The following EGFR variants were observed in gnomAD, a reference collection of about 807,000 sequenced individuals.
EGFR encodes avian erythroblastic leukemia viral (v-erb-b) oncogene homolog.
EGFR carries 58 observed loss-of-function variants against 143.0 expected under a neutral mutation model. The observed-to-expected ratio is 0.41, with a 90% CI of 0.33 to 0.50. The LOEUF (loss-of-function observed/expected upper bound fraction) is 0.50. EGFR is among the 20% of genes least tolerant of loss of function. The pLI, the probability that EGFR is intolerant of heterozygous loss-of-function variation, is 0.39. For missense variants in EGFR, 1,307 were observed against 1,579.0 expected (o/e 0.83, Z 2.92); for synonymous variants, 613 against 594.4 (o/e 1.03, Z -0.45).
In EGFR at chr7:55,201,627, A is replaced by G. The variant is rs1304710369; in HGVS notation, c.3115-108A>G. On this transcript the variant is annotated intron_variant, in intron 25 of 27. Coordinates refer to ENST00000275493, the MANE Select transcript of EGFR (RefSeq NM_005228.5). ...AAAACTAACGATTAAGACAAAAATT[A>G]AACACCTTCACAATATACCCTCCAT... The G allele has an allele frequency of 1.7e-5, 24 of 1,412,354 alleles. No homozygotes were observed. In the African/African-American group the frequency reaches 3.0e-4, roughly 17 times the overall value. 87.5% of individuals were successfully genotyped at this position (1,412,354 alleles called of 1,614,324 possible). A position where few individuals can be genotyped will look rare whatever the true frequency, so the allele number is the denominator to read the frequency against.
chr7:55,102,547 C>A (rs977474867), intron 1 of EGFR, among the ~76,000 whole-genome samples: 1 of 152,220 alleles, frequency 6.6e-6, no homozygotes, highest in East Asian at 1.9e-4. Flanking sequence ...TGGCCCAGCT[C>A]GTCAAAAGAA....
intron 1 of EGFR, among the ~76,000 whole-genome samples, chr7:55,058,351 G>C (rs1177153864): frequency 6.6e-6 from 1 of 151,862 alleles, no homozygotes; most frequent in Non-Finnish European, 1.5e-5. Context: ...CAGAGATGAA[G>C]CCACTGCACT....
At chr7:55,077,047 G>T (rs564109165) in intron 1 of EGFR, among the ~76,000 whole-genome samples, 4 of 152,140 alleles carry the variant, frequency 2.6e-5, no homozygotes, top group African/African-American at 9.6e-5. Flanking sequence ...ATCCCAATAT[G>T]TGAGTACAAC....
chr7:55,172,721 A>G lies in EGFR; in HGVS notation c.1920-262A>G, dbSNP rs1584221398. ...ATCAACAAATTGAAAAATACTCATT[A>G]TATGGAGAGGTCCAGATAAAGCCTC... is the stretch of plus-strand genomic sequence containing the variant. On this transcript the variant is annotated intron_variant, in intron 16 of 27. Coordinates refer to ENST00000275493, the MANE Select transcript of EGFR (RefSeq NM_005228.5). 45 of 785,386 alleles carry G rather than the reference A, an allele frequency of 5.7e-5. No homozygotes were observed. In the East Asian group the frequency reaches 1.2e-3, roughly 21 times the overall value. The allele number at this position is 785,386 out of a possible 1,614,324, so 48.7% of individuals were successfully genotyped here.
At chr7:55,186,117 T>G (rs1049755891) in intron 20 of EGFR, among the ~76,000 whole-genome samples, 2 of 152,204 alleles carry the variant, frequency 1.3e-5, no homozygotes, top group Non-Finnish European at 2.9e-5. Context: ...TATTCCTAGG[T>G]GCCAGGTCAC....
intron 1 of EGFR, among the ~76,000 whole-genome samples, chr7:55,111,363 C>T (rs1562723263): frequency 7.0e-6 from 1 of 143,236 alleles, no homozygotes; most frequent in East Asian, 1.9e-4. Context: ...GCTTGCTAGA[C>T]GTTTTGTTTT....
At chr7:55,036,271 T>TGTGTGG (rs1414370413) in intron 1 of EGFR, among the ~76,000 whole-genome samples, 2 of 22,400 alleles carry the variant, frequency 8.9e-5, no homozygotes, top group Non-Finnish European at 1.7e-4. Flanking sequence ...TGTGTGTGTG[T>TGTGTGG]GGGGGGGGGG....
At chr7:55,194,551 C>G (rs1787539691) in intron 22 of EGFR, among the ~76,000 whole-genome samples, 1 of 152,170 alleles carries the variant, frequency 6.6e-6, no homozygotes, top group African/African-American at 2.4e-5. Context: ...TTTGGTCCTC[C>G]AGGTATGTTC....
chr7:55,099,716 C>T (rs10255899), intron 1 of EGFR, among the ~76,000 whole-genome samples: 128 of 152,188 alleles, frequency 8.4e-4, no homozygotes, highest in African/African-American at 3.0e-3. Flanking sequence ...GACGGTGTGC[C>T]GACAGCTCTG....
At chr7:55,086,799 A>C (rs927197553) in intron 1 of EGFR, among the ~76,000 whole-genome samples, 2 of 152,158 alleles carry the variant, frequency 1.3e-5, no homozygotes, top group Non-Finnish European at 2.9e-5. Flanking sequence ...GGGAGAACAG[A>C]CTTTCTTCCT....
At chr7:55,154,408 C>T (rs1446742548) in intron 7 of EGFR, among the ~76,000 whole-genome samples, 1 of 152,212 alleles carries the variant, frequency 6.6e-6, no homozygotes, top group South Asian at 2.1e-4. Flanking sequence ...GTGGCCAGGC[C>T]ACCTCACAGG....
At chr7:55,043,017 T>C (rs1787988962) in intron 1 of EGFR, among the ~76,000 whole-genome samples, 1 of 152,174 alleles carries the variant, frequency 6.6e-6, no homozygotes, top group South Asian at 2.1e-4. Flanking sequence ...ATTCCACCTC[T>C]TTCAAATCGG....
At chr7:55,202,239 T>A (rs946052101) in intron 26 of EGFR, among the ~76,000 whole-genome samples, 6 of 152,258 alleles carry the variant, frequency 3.9e-5, no homozygotes, top group African/African-American at 2.4e-5. Context: ...AAGTGTCCAG[T>A]AGCCACACGT....
At chr7:55,158,239 A>T (rs899430216) in intron 11 of EGFR, among the ~76,000 whole-genome samples, 2 of 152,210 alleles carry the variant, frequency 1.3e-5, no homozygotes, top group Non-Finnish European at 2.9e-5. Flanking sequence ...CCACTTTTTC[A>T]GCTTTGACAG....
intron 1 of EGFR, among the ~76,000 whole-genome samples, chr7:55,045,195 T>C (rs1347751309): frequency 6.6e-6 from 1 of 152,226 alleles, no homozygotes; most frequent in East Asian, 1.9e-4. Flanking sequence ...AAATCAACAT[T>C]TTCAAATCTT....
chr7:55,157,978 T>C (rs1785513907), intron 11 of EGFR, among the ~76,000 whole-genome samples: 1 of 152,232 alleles, frequency 6.6e-6, no homozygotes, highest in South Asian at 2.1e-4. Flanking sequence ...GTGCTTCTGC[T>C]TCTGTGTCCA....
chr7:55,027,924 A>G (rs1303625770), intron 1 of EGFR, among the ~76,000 whole-genome samples: 2 of 150,224 alleles, frequency 1.3e-5, no homozygotes, highest in African/African-American at 4.9e-5. Flanking sequence ...TGCAACAAAT[A>G]AAGAGTGGAG....
chr7:55,055,719 CA>C (rs1459559449), intron 1 of EGFR, among the ~76,000 whole-genome samples: 420 of 72,472 alleles, frequency 5.8e-3, no homozygotes, highest in African/African-American at 0.022. Context: ...CACACACACA[CA>C]CACCACACAC....
intron 1 of EGFR, among the ~76,000 whole-genome samples, chr7:55,086,631 C>A (rs745560544): frequency 6.6e-6 from 1 of 152,228 alleles, no homozygotes; most frequent in South Asian, 2.1e-4. Context: ...GGGCGGCCAC[C>A]GCTGGCCAGC....
Sources: allele counts gnomAD v4.1 joint callset (sites outside exome capture counted in the v4.1 genomes callset), GRCh38; gene constraint gnomAD v4.1.1; transcripts MANE v1.5; gene names NCBI Gene and HGNC (gene_info 2026-07-23, HGNC 2026-07-21).